FSTL5: variants seen among roughly 807,000 people sequenced by gnomAD.
The protein encoded by FSTL5 is follistatin-related protein 5.
FSTL5 carries 62 observed loss-of-function variants against 89.1 expected under a neutral mutation model. The ratio of observed to expected loss-of-function variants is 0.70; its 90% CI spans 0.57 to 0.86. FSTL5 has a LOEUF of 0.86. Ranked by LOEUF, FSTL5 falls within the 40% of genes least tolerant of loss-of-function variation. The pLI, the probability that FSTL5 is intolerant of heterozygous loss-of-function variation, is 0.00. For synonymous variants in FSTL5, 383 were observed against 346.2 expected (o/e 1.11, Z -1.18); for missense variants, 1,057 against 1,001.6 (o/e 1.06, Z -0.75).
intron 15 of FSTL5, among the ~76,000 whole-genome samples, chr4:161,409,537 A>G (rs1177351213): frequency 3.3e-5 from 5 of 152,162 alleles, no homozygotes; most frequent in African/African-American, 1.2e-4. Context: ...ATGTGCCACC[A>G]CATGAGGCTA....
chr4:161,900,031 TA>T (rs1260823734), intron 4 of FSTL5, among the ~76,000 whole-genome samples: 2 of 151,926 alleles, frequency 1.3e-5, no homozygotes, highest in African/African-American at 4.8e-5. Context: ...CTGTCTCTAC[TA>T]AAAATACAAA....
At chr4:161,422,748 A>T (rs981967779) in intron 15 of FSTL5, among the ~76,000 whole-genome samples, 4 of 149,102 alleles carry the variant, frequency 2.7e-5, no homozygotes, top group African/African-American at 1.0e-4. Context: ...AGTTTGCTTT[A>T]TTTTTCTGAG....
chr4:161,594,173 A>G (rs919904564), intron 7 of FSTL5, among the ~76,000 whole-genome samples: 1 of 152,170 alleles, frequency 6.6e-6, no homozygotes, highest in Non-Finnish European at 1.5e-5. Flanking sequence ...AAGAACGTGT[A>G]AAACTCATTA....
intron 3 of FSTL5, among the ~76,000 whole-genome samples, chr4:161,979,987 C>T (rs991413511): frequency 2.0e-5 from 3 of 148,624 alleles, no homozygotes; most frequent in African/African-American, 7.4e-5. Context: ...TATCTAAAGA[C>T]CTAAAATTCT....
chr4:161,774,068 T>A (rs893418320), intron 5 of FSTL5, among the ~76,000 whole-genome samples: 9 of 152,112 alleles, frequency 5.9e-5, no homozygotes, highest in African/African-American at 2.2e-4. Flanking sequence ...GAGACCATCC[T>A]GGGTAACATG....
Position 161,402,253 on chromosome 4 carries a change from G to T in FSTL5, c.1842-15804C>A, listed in dbSNP as rs553285553. Among the ~76,000 whole-genome samples, 238 of 152,224 alleles carry T rather than the reference G, an allele frequency of 1.6e-3. 1 individual carries two copies. The highest frequency in any genetic ancestry group is 5.4e-3 in the African/African-American group (223 of 41,546). ...AAAGCAATCATTTAATAAATTATGT[G>T]TAAAACTTATTTTTAGAGTTATTTC... is the stretch of plus-strand genomic sequence containing the variant. On this transcript the variant is annotated intron_variant, in intron 15 of 15. Transcript: ENST00000306100.
At position 161,920,393 on chromosome 4, in the gene FSTL5, C is replaced by G. The variant is rs371724709; in HGVS notation, c.409+11G>C. Reference sequence around the variant, plus strand: ...GAGTGGGGTGACACTTAAGGTTCACCCTTCATTTACCTTTAAAGAAGCAGT... The same window carrying G: ...GAGTGGGGTGACACTTAAGGTTCACGCTTCATTTACCTTTAAAGAAGCAGT... On this transcript the variant is annotated intron_variant, in intron 4 of 15. Coordinates refer to ENST00000306100, the MANE Select transcript of FSTL5 (RefSeq NM_020116.5). 5 of 1,611,842 alleles carry G rather than the reference C, an allele frequency of 3.1e-6. No homozygotes were observed. The highest frequency in any genetic ancestry group is 4.2e-6 in the Non-Finnish European group (5 of 1,178,922).
intron 15 of FSTL5, among the ~76,000 whole-genome samples, chr4:161,428,397 G>T (rs35586441): frequency 6.6e-6 from 1 of 152,224 alleles, no homozygotes; most frequent in Non-Finnish European, 1.5e-5. Flanking sequence ...AGGCGACCTA[G>T]GGCGTGGTTG....
At chr4:161,760,037 GAATTT>G (rs1372885968) in intron 5 of FSTL5, among the ~76,000 whole-genome samples, 1 of 151,894 alleles carries the variant, frequency 6.6e-6, no homozygotes, top group Non-Finnish European at 1.5e-5. Context: ...TCCCCAGCTG[GAATTT>G]AAGTCATTTG....
chr4:162,023,508 C>T (rs1247414031), intron 3 of FSTL5, among the ~76,000 whole-genome samples: 2 of 152,070 alleles, frequency 1.3e-5, no homozygotes, highest in Admixed American at 1.3e-4. Flanking sequence ...ATTTGCTTCC[C>T]AGAATCTTAC....
At chr4:162,011,639 A>T (rs113609027) in intron 3 of FSTL5, among the ~76,000 whole-genome samples, 152 of 152,190 alleles carry the variant, frequency 1.0e-3, no homozygotes, top group African/African-American at 2.7e-3. Flanking sequence ...AATTACAGGC[A>T]ACTGCCACCA....
intron 1 of FSTL5, among the ~76,000 whole-genome samples, chr4:162,136,054 A>T (rs761455236): frequency 6.6e-6 from 1 of 152,054 alleles, no homozygotes; most frequent in African/African-American, 2.4e-5. Flanking sequence ...CCCCAAATTC[A>T]GAAATGTGAC....
In FSTL5 at chr4:161,703,134, A is replaced by G. The variant is rs1302216179; in HGVS notation, c.728-46640T>C. Among the ~76,000 whole-genome samples, 6 of 152,222 alleles carry G rather than the reference A, an allele frequency of 3.9e-5. No individual in the cohort carries two copies. The South Asian group carries it at 8.3e-4, about 21-fold the overall frequency. On this transcript the variant is annotated intron_variant, in intron 6 of 15. Coordinates refer to ENST00000306100, the MANE Select transcript of FSTL5 (RefSeq NM_020116.5). Reference sequence around the variant, plus strand: ...AGGAGAGAGGCCTCAGGAGAAACCAAACCTACTGACACCTTGATCTTGGAC... The same window carrying G: ...AGGAGAGAGGCCTCAGGAGAAACCAGACCTACTGACACCTTGATCTTGGAC...
intron 7 of FSTL5, among the ~76,000 whole-genome samples, chr4:161,631,409 A>G (rs983657231): frequency 5.3e-5 from 8 of 152,116 alleles, no homozygotes; most frequent in African/African-American, 1.9e-4. Context: ...CTGGGGTCAC[A>G]AGTTCGAGAG....
intron 15 of FSTL5, among the ~76,000 whole-genome samples, chr4:161,412,277 A>G (rs1362548148): frequency 1.3e-5 from 2 of 152,174 alleles, no homozygotes; most frequent in Non-Finnish European, 2.9e-5. Flanking sequence ...AGCATTTTAC[A>G]AATGCAATGC....
At chr4:161,497,443 T>G (rs1730122845) in intron 12 of FSTL5, among the ~76,000 whole-genome samples, 1 of 152,086 alleles carries the variant, frequency 6.6e-6, no homozygotes, top group Non-Finnish European at 1.5e-5. Flanking sequence ...GTTGGTCACC[T>G]TAAATTTTGA....
At chr4:161,573,208 C>T (rs1268394926) in intron 8 of FSTL5, among the ~76,000 whole-genome samples, 10 of 151,590 alleles carry the variant, frequency 6.6e-5, no homozygotes, top group East Asian at 3.9e-4. Context: ...CAAAGAGTTT[C>T]GGACCAGCCT....
chr4:162,055,261 A>C (rs1297884219), intron 2 of FSTL5, among the ~76,000 whole-genome samples: 1 of 151,792 alleles, frequency 6.6e-6, no homozygotes, highest in Non-Finnish European at 1.5e-5. Flanking sequence ...AACAATTCTC[A>C]TAATTAGTAC....
rs576006623 is a variant in FSTL5, at chr4:161,398,642, CAGTT to C, written c.1842-12197_1842-12194del. ...ATGTTTTAACTAAATGAAATTGTAT[CAGTT>C]AGTCTCAATTTAATTTCACAAATTA... On this transcript the variant is annotated intron_variant, in intron 15 of 15. Transcript: ENST00000306100. Among the ~76,000 whole-genome samples the C allele has an allele frequency of 5.9e-4, 89 of 152,094 alleles. 2 individuals are homozygous for C. In the South Asian group the frequency reaches 0.017, roughly 29 times the overall value.
Sources: allele counts gnomAD v4.1 joint callset (sites outside exome capture counted in the v4.1 genomes callset), GRCh38; gene constraint gnomAD v4.1.1; transcripts MANE v1.5; gene names NCBI Gene and HGNC (gene_info 2026-07-23, HGNC 2026-07-21).